Variants in TBCK observed in about 807,000 individuals in gnomAD.
TBCK encodes TBC domain-containing protein kinase-like protein.
In TBCK, 99 loss-of-function variants were observed where a neutral mutation model predicts 113.4. The observed-to-expected ratio is 0.87, with a 90% CI of 0.74 to 1.03. The LOEUF (loss-of-function observed/expected upper bound fraction) is 1.03, where lower values mean the gene tolerates loss of function less well. Among genes scored for constraint, TBCK ranks in the 50% least tolerant of loss-of-function variants. The pLI is 0.00. For synonymous variants in TBCK, 369 were observed against 370.8 expected (o/e 1.00, Z 0.05); for missense variants, 1,045 against 1,061.3 (o/e 0.98, Z 0.21).
intron 25 of TBCK, among the ~76,000 whole-genome samples, chr4:106,053,536 G>A (rs747076161): frequency 1.3e-4 from 19 of 151,294 alleles, no homozygotes; most frequent in Non-Finnish European, 1.8e-4. Context: ...TTTTGACTTC[G>A]TGCTCCATTG....
chr4:106,148,930 A>G (rs747662346), intron 23 of TBCK, among the ~76,000 whole-genome samples: 1 of 152,228 alleles, frequency 6.6e-6, no homozygotes, highest in African/African-American at 2.4e-5. Context: ...TGCTTCGTCT[A>G]CATTGAAAAT....
intron 25 of TBCK, among the ~76,000 whole-genome samples, chr4:106,079,628 G>A (rs976146741): frequency 6.6e-6 from 1 of 152,174 alleles, no homozygotes; most frequent in African/African-American, 2.4e-5. Flanking sequence ...TACCAGGAGA[G>A]TTATGAGACA....
At chr4:106,165,649 A>C (rs539883960) in intron 23 of TBCK, among the ~76,000 whole-genome samples, 1 of 151,760 alleles carries the variant, frequency 6.6e-6, no homozygotes, top group South Asian at 2.1e-4. Flanking sequence ...GTTAATTACT[A>C]AACTTGTAAT....
intron 3 of TBCK, among the ~76,000 whole-genome samples, chr4:106,281,287 T>C (rs949679411): frequency 6.9e-6 from 1 of 144,740 alleles, no homozygotes; most frequent in African/African-American, 2.6e-5. Context: ...ACTGAATTCA[T>C]TTATCACTTC....
At chr4:106,049,884 T>G (rs1337572264) in intron 25 of TBCK, among the ~76,000 whole-genome samples, 1 of 152,026 alleles carries the variant, frequency 6.6e-6, no homozygotes, top group African/African-American at 2.4e-5. Flanking sequence ...CAGTTGTTTT[T>G]AAAAGGCTCC....
At chr4:106,116,979 C>G (rs192842105) in intron 23 of TBCK, among the ~76,000 whole-genome samples, 5 of 152,138 alleles carry the variant, frequency 3.3e-5, no homozygotes, top group South Asian at 4.2e-4. Flanking sequence ...ATCATCCCCC[C>G]CCCATCTCAA....
At chr4:106,161,700 CTGTGTGTGTGTGTGTG>C (rs35152957) in intron 23 of TBCK, among the ~76,000 whole-genome samples, 1 of 146,360 alleles carries the variant, frequency 6.8e-6, no homozygotes, top group Non-Finnish European at 1.5e-5. Context: ...TTAGGTGTGT[CTGTGTGTGTGTGTGTG>C]TGTGTGTGTG....
intron 25 of TBCK, among the ~76,000 whole-genome samples, chr4:106,059,200 G>A (rs1361241676): frequency 1.1e-5 from 1 of 93,386 alleles, no homozygotes; most frequent in Non-Finnish European, 2.5e-5. Context: ...CCTGTTAAAT[G>A]TGTAATAATA....
intron 22 of TBCK, among the ~76,000 whole-genome samples, chr4:106,189,605 C>T (rs1753433894): frequency 6.6e-6 from 1 of 151,942 alleles, no homozygotes; most frequent in South Asian, 2.1e-4. Flanking sequence ...TGTTAAGAAT[C>T]CTTTGCTTCA....
At chr4:106,267,799 T>C (rs564759698) in intron 3 of TBCK, among the ~76,000 whole-genome samples, 36 of 152,118 alleles carry the variant, frequency 2.4e-4, no homozygotes, top group East Asian at 1.7e-3. Flanking sequence ...TTTCCAGATA[T>C]ATTTCAAAGG....
At chr4:106,096,473 A>G (rs948909859) in intron 24 of TBCK, among the ~76,000 whole-genome samples, 2 of 152,224 alleles carry the variant, frequency 1.3e-5, no homozygotes, top group Non-Finnish European at 2.9e-5. Context: ...CAACCTTTTC[A>G]ACTATGAACA....
chr4:106,134,157 T>A (rs1746291318), intron 23 of TBCK, among the ~76,000 whole-genome samples: 1 of 151,966 alleles, frequency 6.6e-6, no homozygotes, highest in African/African-American at 2.4e-5. Context: ...TTGAGGACAA[T>A]GTATAAAAGT....
intron 24 of TBCK, among the ~76,000 whole-genome samples, chr4:106,097,872 T>G (rs1741113174): frequency 6.6e-6 from 1 of 151,944 alleles, no homozygotes; most frequent in Non-Finnish European, 1.5e-5. Flanking sequence ...AAAGAATAAA[T>G]AAATAAAGAG....
At chr4:106,308,547 T>C (rs1206999184) in intron 2 of TBCK, among the ~76,000 whole-genome samples, 3 of 152,156 alleles carry the variant, frequency 2.0e-5, no homozygotes, top group African/African-American at 7.2e-5. Context: ...AAGGATTTTG[T>C]ATGCAATAGC....
intron 19 of TBCK, among the ~76,000 whole-genome samples, chr4:106,215,091 T>C (rs202205774): frequency 0.17 from 25,564 of 147,330 alleles, 2,143 homozygotes; most frequent in South Asian, 0.22. Context: ...ATTTTCAACC[T>C]AGAATTTCAT....
Position 106,116,973 on chromosome 4 carries a change from T to TC in TBCK, c.2236-596dup, listed in dbSNP as rs140517213. Among the ~76,000 whole-genome samples the TC allele has an allele frequency of 5.9e-3, 883 of 150,426 alleles. 4 individuals are homozygous for TC. Among genetic ancestry groups the TC allele is most frequent in the African/African-American group, 0.018 (757 of 40,930 alleles). Reference sequence around the variant, plus strand: ...ACGTGCTTGATTCATCCTGAAATCATCCCCCCCCCATCTCAAACCCAGTCC... The same window carrying TC: ...ACGTGCTTGATTCATCCTGAAATCATCCCCCCCCCCATCTCAAACCCAGTCC... On this transcript the variant is annotated intron_variant, in intron 23 of 25. Transcript: ENST00000394708.
chr4:106,159,735 A>T (rs1749542356), intron 23 of TBCK, among the ~76,000 whole-genome samples: 1 of 152,108 alleles, frequency 6.6e-6, no homozygotes, highest in South Asian at 2.1e-4. Flanking sequence ...ACACATTCTT[A>T]TCAAAGTATC....
intron 3 of TBCK, among the ~76,000 whole-genome samples, chr4:106,284,970 T>C (rs1764971145): frequency 6.6e-6 from 1 of 152,130 alleles, no homozygotes; most frequent in South Asian, 2.1e-4. Context: ...CAAATCTAAA[T>C]GCTGTACTTT....
upstream of TBCK, chr4:106,316,681 G>C (rs1579620764): frequency 2.2e-6 from 3 of 1,354,268 alleles, no homozygotes; most frequent in East Asian, 7.5e-5. Flanking sequence ...CTCCAGGAGA[G>C]AGGACCTGGC....
Sources: gnomAD v4.1 joint callset for allele counts (sites outside exome capture counted in the v4.1 genomes callset) on GRCh38, gnomAD v4.1.1 for gene constraint, MANE v1.5 for transcripts, NCBI Gene and HGNC (gene_info 2026-07-23, HGNC 2026-07-21) for gene names.